The following ANO6 variants were observed in gnomAD, a reference collection of about 807,000 sequenced individuals.
ANO6 encodes anoctamin-6.
ANO6 carries 106 observed loss-of-function variants against 117.5 expected under a neutral mutation model. The observed-to-expected ratio is 0.90, with a 90% CI of 0.77 to 1.06. The LOEUF is 1.06. Ranked by LOEUF, ANO6 falls within the 50% of genes least tolerant of loss-of-function variation. The probability of loss-of-function intolerance (pLI) is 0.00; values close to 1 mark genes in which losing one functional copy is unlikely to be tolerated. For synonymous variants in ANO6, 367 were observed against 385.1 expected, an observed-to-expected ratio of 0.95 and a Z score of 0.55; for missense variants, 955 against 1,121.1, an observed-to-expected ratio of 0.85 and a Z score of 2.12.
chr12:45,226,984 C>CTTTTT (rs906373347), intron 1 of ANO6, among the ~76,000 whole-genome samples: 77 of 112,724 alleles, frequency 6.8e-4, no homozygotes, highest in Non-Finnish European at 8.0e-4. Flanking sequence ...TTATCATTTT[C>CTTTTT]TTTTTTTTTT....
downstream of ANO6, among the ~76,000 whole-genome samples, chr12:45,434,882 ACACT>A (rs758498594): frequency 3.3e-5 from 5 of 152,278 alleles, no homozygotes; most frequent in Admixed American, 1.3e-4. Flanking sequence ...TATCACATAA[ACACT>A]CACCCTTCAT....
chr12:45,265,246 C>A (rs7965662), intron 1 of ANO6, among the ~76,000 whole-genome samples: 145,205 of 152,234 alleles, frequency 0.95, 69,653 homozygotes, highest in East Asian at 1. Context: ...TCAGACATCT[C>A]TTCCTCCCGT....
At chr12:45,419,592 TG>T (rs1309310313) in intron 17 of ANO6, among the ~76,000 whole-genome samples, 1 of 152,222 alleles carries the variant, frequency 6.6e-6, no homozygotes, top group Non-Finnish European at 1.5e-5. Flanking sequence ...GCCTGAGATT[TG>T]GTTTGTGGTC....
intron 11 of ANO6, among the ~76,000 whole-genome samples, chr12:45,388,630 G>A (rs928735620): frequency 2.0e-5 from 3 of 152,172 alleles, no homozygotes; most frequent in Admixed American, 1.3e-4. Context: ...TAAGGAAAGA[G>A]GCACTGGTTT....
At chr12:45,352,916 C>T (rs1486503542) in intron 7 of ANO6, among the ~76,000 whole-genome samples, 3 of 152,052 alleles carry the variant, frequency 2.0e-5, no homozygotes, top group African/African-American at 7.3e-5. Context: ...GTTTTCCTTG[C>T]TCTTGTTGAA....
chr12:45,438,734 T>C (rs937381008), intron 19 of ANO6, among the ~76,000 whole-genome samples: 1 of 152,196 alleles, frequency 6.6e-6, no homozygotes, highest in Admixed American at 6.5e-5. Flanking sequence ...ATTCAACTTG[T>C]AGTAGTGTGA....
chr12:45,405,029 A>G (rs1484917763), intron 15 of ANO6, among the ~76,000 whole-genome samples: 2 of 152,010 alleles, frequency 1.3e-5, no homozygotes, highest in African/African-American at 4.8e-5. Flanking sequence ...GTCTTTCTCT[A>G]AACAAAGATC....
chr12:45,412,513 T>C (rs962603809), intron 16 of ANO6, among the ~76,000 whole-genome samples: 2 of 152,204 alleles, frequency 1.3e-5, no homozygotes, highest in African/African-American at 4.8e-5. Context: ...TTCTTCCTCC[T>C]ATGCTGAACC....
At chr12:45,362,128 G>T (rs1941571994) in intron 8 of ANO6, among the ~76,000 whole-genome samples, 1 of 152,064 alleles carries the variant, frequency 6.6e-6, no homozygotes, top group African/African-American at 2.4e-5. Flanking sequence ...GCTTTTCTTT[G>T]CAGGAATTAT....
chr12:45,319,193 C>T (rs1221270687), intron 2 of ANO6, among the ~76,000 whole-genome samples: 1 of 152,084 alleles, frequency 6.6e-6, no homozygotes, highest in East Asian at 1.9e-4. Context: ...TGTCTTGTGC[C>T]AGGTTTCAAA....
intron 15 of ANO6, among the ~76,000 whole-genome samples, chr12:45,405,689 C>G (rs1382732846): frequency 6.6e-6 from 1 of 152,186 alleles, no homozygotes; most frequent in Admixed American, 6.5e-5. Flanking sequence ...GTGGTCAGAT[C>G]ACCTGAGGTC....
intron 1 of ANO6, chr12:45,292,979 G>C (rs749896134): frequency 4.1e-5 from 63 of 1,550,618 alleles, no homozygotes; most frequent in Admixed American, 7.9e-5. Context: ...ACAGTGAGCA[G>C]TGGGCAGAGT....
intron 16 of ANO6, among the ~76,000 whole-genome samples, chr12:45,413,159 T>G (rs1943129168): frequency 6.6e-6 from 1 of 152,188 alleles, no homozygotes. Flanking sequence ...ATAAGATCAA[T>G]CACGCAGCAG....
At chr12:45,327,465 A>G (rs1940508560) in intron 2 of ANO6, among the ~76,000 whole-genome samples, 1 of 152,218 alleles carries the variant, frequency 6.6e-6, no homozygotes, top group Non-Finnish European at 1.5e-5. Context: ...ACAGATACAT[A>G]TGTACAAAGA....
intron 1 of ANO6, among the ~76,000 whole-genome samples, chr12:45,226,500 T>G (rs564640689): frequency 6.6e-6 from 1 of 152,232 alleles, no homozygotes; most frequent in South Asian, 2.1e-4. Flanking sequence ...ACTTTAGCCT[T>G]AGGTCAAAGC....
intron 10 of ANO6, among the ~76,000 whole-genome samples, chr12:45,382,965 C>T (rs7300016): frequency 0.079 from 12,055 of 152,062 alleles, 760 homozygotes; most frequent in African/African-American, 0.17. Context: ...TGAAGTTTGC[C>T]ACATCAGTGG....
chr12:45,296,830 AATAAG>A (rs775414101), intron 1 of ANO6, among the ~76,000 whole-genome samples: 2 of 152,370 alleles, frequency 1.3e-5, no homozygotes, highest in African/African-American at 4.8e-5. Flanking sequence ...AATAGGATTA[AATAAG>A]ATAAGACATT....
chr12:45,248,773 G>A (rs905564755), intron 1 of ANO6, among the ~76,000 whole-genome samples: 1 of 152,186 alleles, frequency 6.6e-6, no homozygotes, highest in Non-Finnish European at 1.5e-5. Flanking sequence ...CAACTGACCT[G>A]AAGGAATATG....
intron 1 of ANO6, among the ~76,000 whole-genome samples, chr12:45,294,064 G>A (rs1431755268): frequency 6.6e-6 from 1 of 152,044 alleles, no homozygotes; most frequent in Non-Finnish European, 1.5e-5. Flanking sequence ...TAACACAGGG[G>A]ATATGGGAAT....
Sources: allele counts gnomAD v4.1 joint callset (sites outside exome capture counted in the v4.1 genomes callset), GRCh38; gene constraint gnomAD v4.1.1; transcripts MANE v1.5; gene names NCBI Gene and HGNC (gene_info 2026-07-23, HGNC 2026-07-21).